Variants in DOCK7 observed in about 807,000 individuals in gnomAD.
The protein encoded by DOCK7 is dedicator of cytokinesis 7.
In DOCK7, 138 loss-of-function variants were observed where a neutral mutation model predicts 271.0. The observed-to-expected ratio is 0.51, with a 90% CI of 0.44 to 0.59. The LOEUF (loss-of-function observed/expected upper bound fraction) is 0.59. DOCK7 is among the 20% of genes least tolerant of loss of function. The pLI, the probability that DOCK7 is intolerant of heterozygous loss-of-function variation, is 0.00. For missense variants in DOCK7, 2,066 were observed against 2,592.4 expected, an observed-to-expected ratio of 0.80 and a Z score of 4.41; for synonymous variants, 823 against 876.1, an observed-to-expected ratio of 0.94 and a Z score of 1.07.
intron 48 of DOCK7, among the ~76,000 whole-genome samples, chr1:62,462,314 T>TA (rs1348274155): frequency 2.6e-5 from 4 of 152,160 alleles, no homozygotes; most frequent in Non-Finnish European, 5.9e-5. Context: ...AAAATTTATA[T>TA]AAAATTGAAA....
chr1:62,631,683 T>C (rs1654645543), intron 10 of DOCK7, among the ~76,000 whole-genome samples: 1 of 152,200 alleles, frequency 6.6e-6, no homozygotes, highest in African/African-American at 2.4e-5. Flanking sequence ...ACATGTATTA[T>C]GTATTCCAAG....
intron 24 of DOCK7, 193 bp downstream of exon 24, chr1:62,543,463 C>T: frequency 4.9e-6 from 2 of 407,486 alleles, no homozygotes; most frequent in South Asian, 6.7e-5. Context: ...TAAACATTAT[C>T]ATAATGTAAA....
chr1:62,577,417 ATTAC>A, intron 17 of DOCK7, 54 bp from the exon 18 acceptor site: 1 of 1,344,804 alleles, frequency 7.4e-7, no homozygotes, highest in Non-Finnish European at 1.0e-6. Flanking sequence ...TATAAAAATA[ATTAC>A]TTAGCATGTT....
At chr1:62,465,433 C>T (rs947305459) in intron 48 of DOCK7, among the ~76,000 whole-genome samples, 18 of 151,712 alleles carry the variant, frequency 1.2e-4, no homozygotes, top group Non-Finnish European at 2.5e-4. Context: ...TCTGTAGCTA[C>T]AGTTGCCCAC....
intron 33 of DOCK7, chr1:62,511,474 GA>G (rs1269118260): frequency 6.6e-6 from 1 of 152,100 alleles, no homozygotes; most frequent in Non-Finnish European, 1.5e-5. Flanking sequence ...CTTGTTTTTG[GA>G]AAAGGTAAGA....
intron 43 of DOCK7, chr1:62,483,037 T>C (rs1646175067): frequency 6.6e-6 from 1 of 152,056 alleles, no homozygotes; most frequent in Non-Finnish European, 1.5e-5. Context: ...AAAGACAGGG[T>C]CTTACTATGT....
rs570519859 is a variant in DOCK7 at position 62,597,428 on chromosome 1, C to T, written c.1683-10804G>A. 3.8e-4 allele frequency: 323 copies of T among 845,928 alleles called. 5 individuals carry two copies. In the South Asian group the frequency reaches 5.7e-3, roughly 15 times the overall value. 52.4% of individuals were successfully genotyped at this position (845,928 alleles called of 1,614,324 possible). On this transcript the variant is annotated intron_variant, in intron 14 of 49. Coordinates refer to ENST00000635253, the MANE Select transcript of DOCK7 (RefSeq NM_001367561.1). Reference sequence around the variant, plus strand: ...AAGGTTACATTCGTGCAAGTTAACACGGCTTAATGATTAACTATGTTCACC... The same window carrying T: ...AAGGTTACATTCGTGCAAGTTAACATGGCTTAATGATTAACTATGTTCACC...
intron 14 of DOCK7, chr1:62,597,753 A>G (rs1649482350): frequency 6.2e-7 from 1 of 1,613,506 alleles, no homozygotes; most frequent in African/African-American, 1.3e-5. Flanking sequence ...CTTTGTCCAT[A>G]AGACGAAGGG....
At chr1:62,581,200 A>G (rs1411262888) in intron 16 of DOCK7, among the ~76,000 whole-genome samples, 1 of 152,152 alleles carries the variant, frequency 6.6e-6, no homozygotes, top group Non-Finnish European at 1.5e-5. Flanking sequence ...TTTGATATGG[A>G]CCTTGAAGAA....
At chr1:62,654,873 G>C (rs1657805326) in intron 2 of DOCK7, among the ~76,000 whole-genome samples, 1 of 152,142 alleles carries the variant, frequency 6.6e-6, no homozygotes, top group African/African-American at 2.4e-5. Context: ...TGGCCTTGAA[G>C]ATAGAGATGA....
intron 7 of DOCK7, among the ~76,000 whole-genome samples, chr1:62,646,627 A>G (rs1157610190): frequency 1.3e-5 from 2 of 152,240 alleles, no homozygotes; most frequent in African/African-American, 2.4e-5. Context: ...TGCAAGCCAG[A>G]GAGAGATGCC....
At chr1:62,507,161 G>A (rs1344184298) in intron 35 of DOCK7, among the ~76,000 whole-genome samples, 1 of 151,916 alleles carries the variant, frequency 6.6e-6, no homozygotes, top group African/African-American at 2.4e-5. Context: ...ATGGATGGTG[G>A]GAAGAATACA....
rs1279030959 is a variant in DOCK7 at position 62,653,732 on chromosome 1, T to G, written c.382A>C (p.Ile128Leu). Residue 128 changes from isoleucine (I) to leucine (L), a missense_variant, in exon 4 of 50, where the codon ATC becomes CTC. By Grantham distance (5) the Ile-to-Leu change is conservative. Around this residue, in one of 2 missense-constraint regions of DOCK7, gnomAD observed 1,414 missense variants for 1,670.4 expected, o/e 0.85. Transcript: ENST00000635253. ...RSYTEDWAIV[I>L]RKYHKLGTGF... ...AATAAACATATAACTTACTTTCTGA[T>G]GACAATTGCCCAGTCTTCTGTATAA... is the stretch of plus-strand genomic sequence containing the variant. 1.3e-6 allele frequency: 2 copies of G among 1,570,062 alleles called. No individual in the cohort carries two copies. The highest frequency in any genetic ancestry group is 1.8e-6 in the Non-Finnish European group (2 of 1,141,420).
chr1:62,476,183 A>G lies in DOCK7; in HGVS notation c.5635-27T>C, dbSNP rs373940485. ...TACAATAAAGAAAAAGAAACATTTT[A>G]TATGAAGTTAAAAAGACTGCGAAAT... On this transcript the variant is annotated intron_variant, in intron 44 of 49. Transcript: ENST00000635253. 7.2e-5 allele frequency: 114 copies of G among 1,592,638 alleles called. No homozygotes were observed. The African/African-American group carries it at 1.5e-3, about 21-fold the overall frequency.
intron 4 of DOCK7, 57 bp from the exon 5 acceptor site, chr1:62,648,601 C>A: frequency 9.9e-7 from 1 of 1,006,372 alleles, no homozygotes; most frequent in Non-Finnish European, 1.3e-6. Flanking sequence ...AATTTTTTCA[C>A]TTTTTGGGCA....
rs141962181 is a variant in DOCK7 at position 62,674,361 on chromosome 1, G to A, written c.39-11231C>T. Among the ~76,000 whole-genome samples, 466 of 152,174 alleles carry A rather than the reference G, an allele frequency of 3.1e-3. 3 individuals are homozygous for A. Among genetic ancestry groups the A allele is most frequent in the Admixed American group, 0.024 (370 of 15,282 alleles). On this transcript the variant is annotated intron_variant, in intron 1 of 49. Coordinates refer to ENST00000635253, the MANE Select transcript of DOCK7 (RefSeq NM_001367561.1). ...TTGGAAGACTCAATATTGTTCAGAT[G>A]GCAATTCTCCCAAACTGATCAACAG... is the stretch of plus-strand genomic sequence containing the variant.
Position 62,577,325 on chromosome 1 carries a change from G to T in DOCK7, c.2049C>A (p.Gly683=), listed in dbSNP as rs772818546. ...CCAATGAGACTGGCAAGCAAAACTG[G>T]CCAGTCTTCAACCGTCCATTCTGAA... ...PMLQNGRLKT[G]QFCLPVSLEK... is the part of the protein sequence containing the mutation. Residue 683 remains glycine, a synonymous_variant, in exon 18 of 50, where the codon GGC becomes GGA. Coordinates refer to ENST00000635253, the MANE Select transcript of DOCK7 (RefSeq NM_001367561.1). 75 of 1,591,040 alleles carry T rather than the reference G, an allele frequency of 4.7e-5. No homozygotes were observed. The East Asian group carries it at 1.7e-3, about 35-fold the overall frequency.
chr1:62,569,821 C>G (rs1183907572), intron 18 of DOCK7, among the ~76,000 whole-genome samples: 1 of 149,928 alleles, frequency 6.7e-6, no homozygotes. Flanking sequence ...TCAAGCAATT[C>G]TTCCACCTCA....
At chr1:62,578,274 T>A (rs532368341) in intron 17 of DOCK7, among the ~76,000 whole-genome samples, 3 of 152,328 alleles carry the variant, frequency 2.0e-5, no homozygotes, top group Non-Finnish European at 2.9e-5. Context: ...CACCTAATAA[T>A]CAGGACCAAC....
Sources: allele counts gnomAD v4.1 joint callset (sites outside exome capture counted in the v4.1 genomes callset), GRCh38; gene constraint gnomAD v4.1.1; regional missense constraint gnomAD v4.1.1; transcripts MANE v1.5; gene names NCBI Gene and HGNC (gene_info 2026-07-23, HGNC 2026-07-21).